ENTHD1: variants seen among roughly 807,000 people sequenced by gnomAD.
ENTHD1 encodes the protein ENTH domain containing 1.
In ENTHD1, 23 loss-of-function variants were observed where a neutral mutation model predicts 39.1. That is an observed-to-expected ratio of 0.59 (90% CI 0.42 to 0.83). ENTHD1 has a LOEUF of 0.83. Among genes scored for constraint, ENTHD1 ranks in the 40% least tolerant of loss-of-function variants. The probability of loss-of-function intolerance (pLI) is 0.00; values close to 1 mark genes in which losing one functional copy is unlikely to be tolerated. For missense variants in ENTHD1, 624 were observed against 705.4 expected (o/e 0.88, Z 1.31); for synonymous variants, 230 against 258.2 (o/e 0.89, Z 1.05).
In ENTHD1 at chr22:39,743,664, T is replaced by C; in HGVS notation, c.*15A>G. 2 of 1,564,470 alleles carry C rather than the reference T, an allele frequency of 1.3e-6. No homozygotes were observed. The highest frequency in any genetic ancestry group is 1.7e-6 in the Non-Finnish European group (2 of 1,156,500). On this transcript the variant is annotated 3_prime_UTR_variant, in exon 7 of 7. Transcript: ENST00000325157. ...GGAACCACACGAGTTCTATCAAAAA[T>C]AGATATTGTGATGATTAGATCTGAT...
In ENTHD1 at chr22:39,755,874, A is replaced by G. The variant is rs149703572; in HGVS notation, c.1219+9349T>C. Among the ~76,000 whole-genome samples the G allele has an allele frequency of 2.0e-5, 3 of 152,258 alleles. No individual in the cohort carries two copies. The East Asian group carries it at 5.8e-4, about 29-fold the overall frequency. ...GTAGTTCCATCATTATCTTTGTTCT[A>G]TAGATGAAGATACTGACCTGCAAGA... is the stretch of plus-strand genomic sequence containing the variant. On this transcript the variant is annotated intron_variant, in intron 6 of 6. Coordinates refer to ENST00000325157, the MANE Select transcript of ENTHD1 (RefSeq NM_152512.4).
intron 3 of ENTHD1, among the ~76,000 whole-genome samples, chr22:39,857,913 G>C (rs1601647090): frequency 6.6e-6 from 1 of 152,170 alleles, no homozygotes; most frequent in Admixed American, 6.5e-5. Flanking sequence ...TTTTGCTGGT[G>C]GAGGGTCTTG....
chr22:39,808,375 G>T (rs2065660486), intron 5 of ENTHD1, among the ~76,000 whole-genome samples: 1 of 152,202 alleles, frequency 6.6e-6, no homozygotes, highest in Non-Finnish European at 1.5e-5. Flanking sequence ...GCAGGAACTT[G>T]TTCACCATTG....
chr22:39,862,339 G>C (rs1351348751), intron 2 of ENTHD1, among the ~76,000 whole-genome samples: 1 of 152,006 alleles, frequency 6.6e-6, no homozygotes, highest in Non-Finnish European at 1.5e-5. Flanking sequence ...CACGAGGTCA[G>C]GAAATCAAGA....
chr22:39,779,534 G>GA, intron 5 of ENTHD1, among the ~76,000 whole-genome samples: 1 of 143,808 alleles, frequency 7.0e-6, no homozygotes, highest in South Asian at 2.2e-4. Flanking sequence ...TAGTCTGAAA[G>GA]AAAAAAGACA....
Position 39,765,383 on chromosome 22 carries a change from A to T in ENTHD1, c.1059T>A (p.Asp353Glu), listed in dbSNP as rs753295566. The T allele has an allele frequency of 6.2e-7, 1 of 1,614,022 alleles. No homozygotes were observed. The highest frequency in any genetic ancestry group is 2.2e-5 in the East Asian group (1 of 44,874). Residue 353 changes from aspartate to glutamate, a missense_variant, in exon 6 of 7, where the codon GAT (aspartate) becomes GAA (glutamate). Asp to Glu is a conservative substitution (Grantham distance 45). Coordinates refer to ENST00000325157, the MANE Select transcript of ENTHD1 (RefSeq NM_152512.4). Reference protein sequence around the residue: ...ISPDLRVSKSDSTFHNQASVE... With the variant: ...ISPDLRVSKSESTFHNQASVE... ...CAGAGGCCTGGTTATGGAAAGTAGAATCTGACTTTGATACCCTTAAGTCGG... is the reference window on the plus strand; with the variant it reads ...CAGAGGCCTGGTTATGGAAAGTAGATTCTGACTTTGATACCCTTAAGTCGG...
chr22:39,765,406 C>T lies in ENTHD1; in HGVS notation c.1036G>A (p.Asp346Asn), dbSNP rs145446901. ...WSSKEEFISP[D>N]LRVSKSDSTF... ...GAATCTGACTTTGATACCCTTAAGT[C>T]GGGGCTGATAAACTCCTCTTTACTT... The change falls in exon 6 of 7, where the codon GAC becomes AAC. Residue 346 changes from aspartate to asparagine, a missense_variant. Physicochemically the swap from Asp to Asn is conservative, Grantham distance 23. Coordinates refer to ENST00000325157, the MANE Select transcript of ENTHD1 (RefSeq NM_152512.4). The T allele has an allele frequency of 1.6e-5, 26 of 1,613,776 alleles. No homozygotes were observed. Among genetic ancestry groups the T allele is most frequent in the South Asian group, 2.2e-5 (2 of 91,070 alleles).
At position 39,743,834 on chromosome 22, in the gene ENTHD1, G is replaced by C. The variant is rs200294131; in HGVS notation, c.1669C>G (p.Arg557Gly). The change falls in exon 7 of 7, where the codon CGT (arginine) becomes GGT (glycine). Residue 557 changes from arginine to glycine, a missense_variant. By Grantham distance (125) the Arg-to-Gly change is moderately radical. Coordinates refer to ENST00000325157, the MANE Select transcript of ENTHD1 (RefSeq NM_152512.4). ...TCTTCATGTAATCTAGCGATCGCAC[G>C]TTTTACCTCCCTTAAAAGAACACTA... ...SISVLLREVKRAIARLHEDLS... is the reference protein window; with the variant it reads ...SISVLLREVKGAIARLHEDLS... 4 of 1,614,092 alleles carry C rather than the reference G, an allele frequency of 2.5e-6. No individual in the cohort carries two copies. Among genetic ancestry groups the C allele is most frequent in the Non-Finnish European group, 3.4e-6 (4 of 1,180,010 alleles).
At chr22:39,857,180 T>C (rs924013385) in intron 3 of ENTHD1, among the ~76,000 whole-genome samples, 1 of 152,030 alleles carries the variant, frequency 6.6e-6, no homozygotes, top group Non-Finnish European at 1.5e-5. Context: ...CAGTGGCTCA[T>C]GACTGTAATC....
At chr22:39,768,203 C>T (rs2065293339) in intron 5 of ENTHD1, among the ~76,000 whole-genome samples, 1 of 152,176 alleles carries the variant, frequency 6.6e-6, no homozygotes, top group Admixed American at 6.5e-5. Flanking sequence ...AATTCAATTA[C>T]TACTTTATAG....
intron 6 of ENTHD1, among the ~76,000 whole-genome samples, chr22:39,762,661 A>C (rs2065244969): frequency 6.6e-6 from 1 of 152,112 alleles, no homozygotes; most frequent in African/African-American, 2.4e-5. Flanking sequence ...TATGTTGCCC[A>C]GGCTTATCTT....
chr22:39,853,164 AG>A (rs2066057064), intron 3 of ENTHD1, among the ~76,000 whole-genome samples: 1 of 152,210 alleles, frequency 6.6e-6, no homozygotes, highest in Admixed American at 6.5e-5. Context: ...TGCTACTTTA[AG>A]GGAAACAATG....
At chr22:39,745,960 T>C (rs2065101501) in intron 6 of ENTHD1, among the ~76,000 whole-genome samples, 2 of 152,206 alleles carry the variant, frequency 1.3e-5, no homozygotes, top group African/African-American at 4.8e-5. Context: ...AATTTCCTCT[T>C]TGTTTCAGAG....
At chr22:39,788,466 C>T (rs112390516) in intron 5 of ENTHD1, among the ~76,000 whole-genome samples, 9,231 of 152,102 alleles carry the variant, frequency 0.061, 390 homozygotes, top group South Asian at 0.13. Flanking sequence ...CAAACTTGAA[C>T]GAATGAGGAA....
chr22:39,802,410 C>T (rs1388186153), intron 5 of ENTHD1, among the ~76,000 whole-genome samples: 2 of 152,320 alleles, frequency 1.3e-5, no homozygotes, highest in South Asian at 4.1e-4. Context: ...GGAAACCCAG[C>T]AAGGCCTGTG....
In ENTHD1 at chr22:39,807,871, G is replaced by GTA. The variant is rs199742166; in HGVS notation, c.832+13120_832+13121dup. Reference sequence around the variant, plus strand: ...ACTCTTGTTTTAGGGGTGTGTGTGTGTATATATATATACGTACGTGTGTGT... The same window carrying GTA: ...ACTCTTGTTTTAGGGGTGTGTGTGTGTATATATATATATACGTACGTGTGTGT... On this transcript the variant is annotated intron_variant, in intron 5 of 6. Coordinates refer to ENST00000325157, the MANE Select transcript of ENTHD1 (RefSeq NM_152512.4). 1.7e-3 allele frequency among the ~76,000 whole-genome samples: 261 copies of GTA among 151,276 alleles called. 6 individuals carry two copies. The East Asian group carries it at 0.031, about 18-fold the overall frequency.
intron 5 of ENTHD1, among the ~76,000 whole-genome samples, chr22:39,767,702 T>A (rs2065288044): frequency 6.6e-6 from 1 of 152,194 alleles, no homozygotes; most frequent in African/African-American, 2.4e-5. Flanking sequence ...TTAGCAATAT[T>A]AAACTAGGAC....
At chr22:39,791,558 C>A (rs2065504517) in intron 5 of ENTHD1, among the ~76,000 whole-genome samples, 2 of 151,488 alleles carry the variant, frequency 1.3e-5, no homozygotes, top group African/African-American at 2.4e-5. Context: ...CCAGGCCTGG[C>A]TGATTTTTTT....
chr22:39,808,869 A>C (rs1440733019), intron 5 of ENTHD1, among the ~76,000 whole-genome samples: 1 of 152,082 alleles, frequency 6.6e-6, no homozygotes, highest in Non-Finnish European at 1.5e-5. Flanking sequence ...AGCCTTTAGT[A>C]GTCTCATTTA....
Sources: gnomAD v4.1 joint callset for allele counts (sites outside exome capture counted in the v4.1 genomes callset) on GRCh38, gnomAD v4.1.1 for gene constraint, MANE v1.5 for transcripts, NCBI Gene and HGNC (gene_info 2026-07-23, HGNC 2026-07-21) for gene names.